UNC13C: variants seen among roughly 807,000 people sequenced by gnomAD.
UNC13C encodes the protein protein unc-13 homolog C.
Under a neutral mutation model 245.4 loss-of-function variants are expected in UNC13C, and 174 were observed. The ratio of observed to expected loss-of-function variants is 0.71; its 90% confidence interval spans 0.63 to 0.80. The LOEUF is 0.80. Among genes scored for constraint, UNC13C ranks in the 30% least tolerant of loss-of-function variants. The pLI is 0.00. For missense variants in UNC13C, 2,829 were observed against 2,602.9 expected, an observed-to-expected ratio of 1.09 and a Z score of -1.89; for synonymous variants, 992 against 895.1, an observed-to-expected ratio of 1.11 and a Z score of -1.93.
the UNC13C span, among the ~76,000 whole-genome samples, chr15:53,902,173 A>T: frequency 6.6e-6 from 1 of 152,108 alleles, no homozygotes; most frequent in South Asian, 2.1e-4. Context: ...TTCATGAAAA[A>T]TCCTTTCCTC....
At chr15:54,494,236 A>C (rs190419487) in intron 19 of UNC13C, among the ~76,000 whole-genome samples, 1 of 152,118 alleles carries the variant, frequency 6.6e-6, no homozygotes, top group Non-Finnish European at 1.5e-5. Context: ...GAATAATTTT[A>C]AAAAAAGAAT....
chr15:54,369,685 A>T (rs898337299), intron 17 of UNC13C, among the ~76,000 whole-genome samples: 11 of 152,126 alleles, frequency 7.2e-5, no homozygotes, highest in Non-Finnish European at 1.0e-4. Flanking sequence ...TGGTCATCAC[A>T]GTGTCACTGA....
chr15:54,095,120 C>A (rs1899784377), intron 2 of UNC13C, among the ~76,000 whole-genome samples: 1 of 152,116 alleles, frequency 6.6e-6, no homozygotes, highest in South Asian at 2.1e-4. Flanking sequence ...CAGGCTCTCC[C>A]AACATGGAAG....
chr15:54,551,162 C>T (rs576856993), intron 28 of UNC13C, among the ~76,000 whole-genome samples: 1 of 152,102 alleles, frequency 6.6e-6, no homozygotes, highest in Non-Finnish European at 1.5e-5. Context: ...TACTCACTGC[C>T]TCTCAACTCT....
At chr15:54,006,143 T>C (rs952148345) in intron 1 of UNC13C, among the ~76,000 whole-genome samples, 30 of 152,128 alleles carry the variant, frequency 2.0e-4, no homozygotes, top group African/African-American at 7.2e-4. Flanking sequence ...CCATGAAGAT[T>C]ATTTGAGATA....
the UNC13C span, among the ~76,000 whole-genome samples, chr15:53,844,038 A>T: frequency 6.6e-6 from 1 of 152,206 alleles, no homozygotes; most frequent in Non-Finnish European, 1.5e-5. Flanking sequence ...AGGAGATGTG[A>T]CATATAAAAA....
At chr15:54,124,456 T>C (rs1277404202) in intron 2 of UNC13C, among the ~76,000 whole-genome samples, 5 of 152,236 alleles carry the variant, frequency 3.3e-5, no homozygotes, top group Admixed American at 3.3e-4. Context: ...AATAACTGTC[T>C]GTATCTTTTG....
At chr15:54,333,538 T>A (rs985960717) in intron 15 of UNC13C, among the ~76,000 whole-genome samples, 5 of 152,096 alleles carry the variant, frequency 3.3e-5, no homozygotes, top group African/African-American at 1.2e-4. Context: ...ATTGCATTGT[T>A]AGTGTAAATA....
In UNC13C at chr15:54,467,844, T is replaced by C. The variant is rs1192125221; in HGVS notation, c.4934-26764T>C. ...CTCATTGTGTGTATATTTCCCATGT[T>C]TTTAAATCCATTCATTAAATGATGA... On this transcript the variant is annotated intron_variant, in intron 19 of 32. Transcript: ENST00000260323. Among the ~76,000 whole-genome samples, 6 of 151,728 alleles carry C rather than the reference T, an allele frequency of 4.0e-5. No individual in the cohort carries two copies. In the East Asian group the frequency reaches 1.2e-3, roughly 29 times the overall value.
At chr15:54,594,201 G>C (rs1396808828) in intron 30 of UNC13C, among the ~76,000 whole-genome samples, 1 of 152,164 alleles carries the variant, frequency 6.6e-6, no homozygotes, top group African/African-American at 2.4e-5. Context: ...CTCAGCCATG[G>C]ATACCAGCGC....
At chr15:54,267,353 G>T (rs1368330763) in intron 10 of UNC13C, among the ~76,000 whole-genome samples, 1 of 150,558 alleles carries the variant, frequency 6.6e-6, no homozygotes, top group Admixed American at 6.6e-5. Flanking sequence ...TTTCCAGTAT[G>T]ATGCCAAATC....
chr15:54,629,565 C>T (rs1470474522), downstream of UNC13C: 4 of 151,318 alleles, frequency 2.6e-5, no homozygotes, highest in African/African-American at 4.9e-5. Context: ...TGCTAAATAC[C>T]GTTTAGTCCC....
At chr15:54,186,836 A>ATATATATATATATATATATAT (rs1567079825) in intron 4 of UNC13C, among the ~76,000 whole-genome samples, 14 of 126,178 alleles carry the variant, frequency 1.1e-4, no homozygotes, top group Non-Finnish European at 2.3e-4. Flanking sequence ...CAAAGAACAT[A>ATATATATATATATATATATAT]ATATATATGT....
intron 17 of UNC13C, among the ~76,000 whole-genome samples, chr15:54,378,321 A>G (rs1596304582): frequency 6.6e-6 from 1 of 152,108 alleles, no homozygotes; most frequent in Non-Finnish European, 1.5e-5. Flanking sequence ...TAAAGAGGTG[A>G]TATATGAAGC....
At chr15:54,418,582 TG>T (rs1326821530) in intron 19 of UNC13C, among the ~76,000 whole-genome samples, 2 of 152,098 alleles carry the variant, frequency 1.3e-5, no homozygotes, top group Non-Finnish European at 2.9e-5. Flanking sequence ...CTAAAGCATT[TG>T]GGGCATCCTG....
At chr15:54,265,324 A>C in intron 9 of UNC13C, 31 bp from the exon 10 acceptor site, 1 of 1,401,296 alleles carries the variant, frequency 7.1e-7, no homozygotes. Context: ...AGGACTCTGT[A>C]TGTTAAAATG....
At chr15:54,292,798 G>A (rs561403378) in intron 10 of UNC13C, among the ~76,000 whole-genome samples, 56 of 150,830 alleles carry the variant, frequency 3.7e-4, no homozygotes, top group African/African-American at 1.3e-3. Flanking sequence ...CAAAAATGCT[G>A]CTGTGGTTTG....
rs553872295 is a variant in UNC13C, at chr15:54,613,452, G to A, written c.6107-8875G>A. Among the ~76,000 whole-genome samples, 9 of 151,964 alleles carry A rather than the reference G, an allele frequency of 5.9e-5. No individual in the cohort carries two copies. The South Asian group carries it at 1.9e-3, about 32-fold the overall frequency. ...TTTAAAATAAGTGAATTACAATGCT[G>A]TCTATTTAACATGGATAAACCTCAA... On this transcript the variant is annotated intron_variant, in intron 30 of 32. Transcript: ENST00000260323.
At chr15:54,419,478 T>C (rs1034518708) in intron 19 of UNC13C, among the ~76,000 whole-genome samples, 2 of 152,150 alleles carry the variant, frequency 1.3e-5, no homozygotes, top group African/African-American at 4.8e-5. Flanking sequence ...TGGTGAACTT[T>C]AGCAGAATCT....
Sources: allele counts gnomAD v4.1 joint callset (sites outside exome capture counted in the v4.1 genomes callset), GRCh38; gene constraint gnomAD v4.1.1; transcripts MANE v1.5; gene names NCBI Gene and HGNC (gene_info 2026-07-23, HGNC 2026-07-21).